Variants in SLC15A3 observed in about 807,000 individuals in gnomAD.
SLC15A3 encodes the protein solute carrier family 15 member 3, also known as osteoclast transporter.
Under a neutral mutation model 49.2 loss-of-function variants are expected in SLC15A3, and 39 were observed. The ratio of observed to expected loss-of-function variants is 0.79; its 90% CI spans 0.61 to 1.04. The LOEUF (loss-of-function observed/expected upper bound fraction) is 1.04, where lower values mean the gene tolerates loss of function less well. Among genes scored for constraint, SLC15A3 ranks in the 50% least tolerant of loss-of-function variants. SLC15A3 has a pLI of 0.00. For synonymous variants in SLC15A3, 339 were observed against 367.0 expected, an observed-to-expected ratio of 0.92 and a Z score of 0.87; for missense variants, 758 against 794.8, an observed-to-expected ratio of 0.95 and a Z score of 0.56.
At position 60,946,645 on chromosome 11, in the gene SLC15A3, G is replaced by T; in HGVS notation, c.735C>A (p.Leu245=). Residue 245 remains leucine, a synonymous_variant, in exon 2 of 8, where the codon CTC becomes CTA. Coordinates refer to ENST00000227880, the MANE Select transcript of SLC15A3 (RefSeq NM_016582.3). ...GCVGLAFFIF[L]FATPVFITKP... is the part of the protein sequence containing the mutation. ...TGGTGATGAAGACGGGGGTGGCAAAGAGGAAGATGAAAAATGCCAGGCCCA... is the reference window on the plus strand; with the variant it reads ...TGGTGATGAAGACGGGGGTGGCAAATAGGAAGATGAAAAATGCCAGGCCCA... 6.2e-7 allele frequency: 1 copy of T among 1,614,176 alleles called. No individual in the cohort carries two copies. Among genetic ancestry groups the T allele is most frequent in the East Asian group, 2.2e-5 (1 of 44,888 alleles).
chr11:60,947,274 G>A (rs912161934), intron 1 of SLC15A3, among the ~76,000 whole-genome samples: 1 of 152,156 alleles, frequency 6.6e-6, no homozygotes, highest in African/African-American at 2.4e-5. Context: ...CCACCTTCCG[G>A]GTTCATGCCA....
intron 1 of SLC15A3, among the ~76,000 whole-genome samples, chr11:60,949,399 A>T (rs1856854831): frequency 7.9e-6 from 1 of 126,172 alleles, no homozygotes; most frequent in African/African-American, 2.6e-5. Context: ...AGAGAAAGAG[A>T]AAGAAAGGAA....
chr11:60,946,130 C>T (rs1475660654), intron 2 of SLC15A3, among the ~76,000 whole-genome samples: 1 of 152,090 alleles, frequency 6.6e-6, no homozygotes, highest in African/African-American at 2.4e-5. Context: ...GTAGCTGAGA[C>T]CACAGGCACA....
intron 2 of SLC15A3, among the ~76,000 whole-genome samples, chr11:60,944,042 C>G (rs1314156328): frequency 6.6e-6 from 1 of 152,134 alleles, no homozygotes; most frequent in East Asian, 1.9e-4. Context: ...ACCTGTAGTC[C>G]CAGTTATTTG....
intron 1 of SLC15A3, among the ~76,000 whole-genome samples, chr11:60,947,617 A>G (rs560516345): frequency 6.6e-6 from 1 of 152,352 alleles, no homozygotes; most frequent in Non-Finnish European, 1.5e-5. Context: ...AGGCAAGCAG[A>G]GAAGCCTACT....
chr11:60,949,458 A>G lies in SLC15A3; in HGVS notation c.558+1536T>C, dbSNP rs11230526. The stretch of plus-strand genomic sequence containing the variant: ...AGAAAGAAAGAAAGAAAGAGAAAGA[A>G]AGAGAGAGAGAGAAAGAGAAAGAAA... On this transcript the variant is annotated intron_variant, in intron 1 of 7. Transcript: ENST00000227880. Among the ~76,000 whole-genome samples the G allele has an allele frequency of 4.3e-4, 63 of 147,780 alleles. 2 individuals carry two copies. The highest frequency in any genetic ancestry group is 1.6e-3 in the African/African-American group (62 of 39,520).
In SLC15A3 at chr11:60,944,412, C is replaced by T. The variant is rs149579737; in HGVS notation, c.849-576G>A. 1.9e-4 allele frequency among the ~76,000 whole-genome samples: 29 copies of T among 152,270 alleles called. No individual in the cohort carries two copies. The East Asian group carries it at 3.7e-3, about 19-fold the overall frequency. The stretch of plus-strand genomic sequence containing the variant: ...GCTGTCAGCAAAATCGTCCTCTCCA[C>T]GGGGTTTCCATTCACATCACCATCA... On this transcript the variant is annotated intron_variant, in intron 2 of 7. Transcript: ENST00000227880.
At chr11:60,945,690 A>T (rs531075529) in intron 2 of SLC15A3, among the ~76,000 whole-genome samples, 32 of 152,312 alleles carry the variant, frequency 2.1e-4, no homozygotes, top group Middle Eastern at 3.4e-3. Context: ...GGCAAAAGGA[A>T]GCCATGGGAC....
intron 7 of SLC15A3, 132 bp downstream of exon 7, chr11:60,937,738 G>T: frequency 8.0e-7 from 1 of 1,247,212 alleles, no homozygotes; most frequent in Non-Finnish European, 1.1e-6. Flanking sequence ...CCAAGCCCGG[G>T]CTAGAACCCC....
At chr11:60,941,913 G>A (rs2134927728) in intron 4 of SLC15A3, 122 bp downstream of exon 4, 1 of 942,974 alleles carries the variant, frequency 1.1e-6, no homozygotes, top group South Asian at 1.5e-5. Context: ...TGCTTTTCCT[G>A]TATCCTGAGG....
At chr11:60,949,564 G>GAAAGAAAAAGAAAAGA (rs1554986443) in intron 1 of SLC15A3, among the ~76,000 whole-genome samples, 1 of 117,912 alleles carries the variant, frequency 8.5e-6, no homozygotes, top group Non-Finnish European at 1.9e-5. Context: ...AAGAAAGAAA[G>GAAAGAAAAAGAAAAGA]AAAGAAAAGA....
intron 2 of SLC15A3, 124 bp from the exon 3 acceptor site, chr11:60,943,960 C>T (rs1441070662): frequency 7.5e-6 from 7 of 934,396 alleles, no homozygotes; most frequent in Non-Finnish European, 1.0e-5. Flanking sequence ...GAGTTCAAGA[C>T]CAGCCTGGCC....
intron 1 of SLC15A3, chr11:60,947,655 TC>T (rs1250131371): frequency 6.6e-6 from 1 of 152,198 alleles, no homozygotes; most frequent in Non-Finnish European, 1.5e-5. Flanking sequence ...CCCACTTTTG[TC>T]CCTCTGATAT....
chr11:60,943,122 G>A (rs1448786010), intron 3 of SLC15A3: 1 of 152,238 alleles, frequency 6.6e-6, no homozygotes, highest in Non-Finnish European at 1.5e-5. Flanking sequence ...TCAATAGCCT[G>A]TGGTTGGACT....
In SLC15A3 at chr11:60,941,213, G is replaced by A. The variant is rs753780298; in HGVS notation, c.1185C>T (p.Asp395=). ...GCAGCTTGCACCGCAGCAGTAAAGG[G>A]TCGATCAAGCGGTCCTTCAGAGGGA... is the stretch of plus-strand genomic sequence containing the variant. The part of the protein sequence containing the change: ...ILVPLKDRLI[D]PLLLRCKLLP... The change falls in exon 5 of 8, where the codon GAC becomes GAT. Residue 395 remains aspartate, a synonymous_variant. Transcript: ENST00000227880. The A allele has an allele frequency of 1.2e-5, 20 of 1,614,042 alleles. No individual in the cohort carries two copies. Among genetic ancestry groups the A allele is most frequent in the Non-Finnish European group, 1.6e-5 (19 of 1,180,034 alleles).
In SLC15A3 at chr11:60,944,367, T is replaced by C. The variant is rs895933725; in HGVS notation, c.849-531A>G. Among the ~76,000 whole-genome samples the C allele has an allele frequency of 3.9e-5, 6 of 152,142 alleles. No individual in the cohort carries two copies. In the South Asian group the frequency reaches 1.2e-3, roughly 32 times the overall value. On this transcript the variant is annotated intron_variant, in intron 2 of 7. Transcript: ENST00000227880. The stretch of plus-strand genomic sequence containing the variant: ...GCCAAGGCCAGCATCCTTACTATCA[T>C]CACCTTTAGTAAGGTGACTGCTGTC...
intron 2 of SLC15A3, among the ~76,000 whole-genome samples, chr11:60,944,422 A>C (rs1350924302): frequency 6.6e-6 from 1 of 152,060 alleles, no homozygotes; most frequent in East Asian, 1.9e-4. Context: ...CGGGGTTTCC[A>C]TTCACATCAC....
Position 60,946,639 on chromosome 11 carries a change from G to T in SLC15A3, c.741C>A (p.Ala247=), listed in dbSNP as rs763909582. Residue 247 remains alanine (A), a synonymous_variant, in exon 2 of 8, where the codon GCC becomes GCA. Coordinates refer to ENST00000227880, the MANE Select transcript of SLC15A3 (RefSeq NM_016582.3). The part of the protein sequence containing the change: ...VGLAFFIFLF[A]TPVFITKPPM... ...GGGGCTTGGTGATGAAGACGGGGGT[G>T]GCAAAGAGGAAGATGAAAAATGCCA... is the stretch of plus-strand genomic sequence containing the variant. 6.2e-7 allele frequency: 1 copy of T among 1,614,086 alleles called. No homozygotes were observed. Among genetic ancestry groups the T allele is most frequent in the Non-Finnish European group, 8.5e-7 (1 of 1,179,976 alleles).
At position 60,946,592 on chromosome 11, in the gene SLC15A3, G is replaced by C. The variant is rs1565128570; in HGVS notation, c.788C>G (p.Ser263Cys). The change falls in exon 2 of 8, where the codon TCT (serine) becomes TGT (cysteine). Residue 263 changes from serine to cysteine, a missense_variant. Physicochemically the swap from Ser to Cys is moderately radical, Grantham distance 112 (BLOSUM62 -1). Transcript: ENST00000227880. Reference protein sequence around the residue: ...TKPPMGSQVSSMLKLALQNCC... With the variant: ...TKPPMGSQVSCMLKLALQNCC... ...GTTTTGGAGAGCGAGCTTAAGCATA[G>C]AGGACACTTGGCTGCCCATCGGGGG... The C allele has an allele frequency of 6.2e-7, 1 of 1,611,612 alleles. No individual in the cohort carries two copies. Among genetic ancestry groups the C allele is most frequent in the Non-Finnish European group, 8.5e-7 (1 of 1,178,166 alleles).
Sources: allele counts gnomAD v4.1 joint callset (sites outside exome capture counted in the v4.1 genomes callset), GRCh38; gene constraint gnomAD v4.1.1; transcripts MANE v1.5; gene names NCBI Gene and HGNC (gene_info 2026-07-23, HGNC 2026-07-21).